The following IL1RAPL2 variants were observed in gnomAD, a reference collection of about 807,000 sequenced individuals.
IL1RAPL2 encodes interleukin 1 receptor accessory protein like 2, also known as X-linked interleukin-1 receptor accessory protein-like 2.
Under a neutral mutation model 44.1 loss-of-function variants are expected in IL1RAPL2, and 3 were observed. That is an observed-to-expected ratio of 0.07 (90% confidence interval 0.03 to 0.18). The LOEUF is 0.18. IL1RAPL2 is among the 10% of genes least tolerant of loss of function. IL1RAPL2 has a pLI of 1.00. For missense variants in IL1RAPL2, 391 were observed against 496.4 expected, an observed-to-expected ratio of 0.79 and a Z score of 2.02; for synonymous variants, 181 against 178.8, an observed-to-expected ratio of 1.01 and a Z score of -0.10.
intron 6 of IL1RAPL2, among the ~76,000 whole-genome samples, chrX:105,656,103 C>T (rs1196522231): frequency 9.0e-6 from 1 of 111,670 alleles, no homozygotes; most frequent in Non-Finnish European, 1.9e-5. Flanking sequence ...CCCTACCTCC[C>T]TCCCAACCCC....
chrX:105,393,765 C>T (rs2035543283), intron 5 of IL1RAPL2, among the ~76,000 whole-genome samples: 1 of 111,150 alleles, frequency 9.0e-6, no homozygotes, highest in South Asian at 3.8e-4. Flanking sequence ...CCCATGAAGA[C>T]CTCAAATCAA....
intron 2 of IL1RAPL2, among the ~76,000 whole-genome samples, chrX:105,040,310 A>G (rs897022898): frequency 2.7e-5 from 3 of 111,463 alleles, no homozygotes; most frequent in African/African-American, 9.8e-5. Context: ...TTTTTGCATC[A>G]ATGTTCATGA....
intron 2 of IL1RAPL2, among the ~76,000 whole-genome samples, chrX:105,189,657 G>A (rs115883495): frequency 0.024 from 2,666 of 111,908 alleles, 73 homozygotes; most frequent in African/African-American, 0.082. Flanking sequence ...TGGAGGTTAC[G>A]TCAAGAACAT....
chrX:104,986,163 A>C (rs1456450418), intron 2 of IL1RAPL2, among the ~76,000 whole-genome samples: 2 of 111,609 alleles, frequency 1.8e-5, no homozygotes, highest in African/African-American at 3.3e-5. Context: ...CCTCAATTAT[A>C]TGTGATCTTA....
At chrX:105,503,152 G>A (rs2036407777) in intron 6 of IL1RAPL2, among the ~76,000 whole-genome samples, 1 of 111,143 alleles carries the variant, frequency 9.0e-6, no homozygotes, top group Non-Finnish European at 1.9e-5. Flanking sequence ...TACAATTAAA[G>A]CAGAGATATG....
At chrX:104,668,612 A>C (rs896365304) in intron 2 of IL1RAPL2, among the ~76,000 whole-genome samples, 4 of 108,608 alleles carry the variant, frequency 3.7e-5, no homozygotes, top group Admixed American at 1.0e-4. Flanking sequence ...AAAAAAACTG[A>C]GTAAGGCATT....
At chrX:105,740,268 CTAAT>C (rs2038488059) in intron 7 of IL1RAPL2, among the ~76,000 whole-genome samples, 1 of 111,529 alleles carries the variant, frequency 9.0e-6, no homozygotes, top group Admixed American at 9.5e-5. Context: ...GCTAGCAAGA[CTAAT>C]AAAGAAAAAA....
intron 2 of IL1RAPL2, among the ~76,000 whole-genome samples, chrX:105,109,322 C>T (rs1036920192): frequency 8.9e-6 from 1 of 112,409 alleles, no homozygotes; most frequent in Non-Finnish European, 1.9e-5. Flanking sequence ...TCCAAAGCAG[C>T]ATCATTCATA....
At chrX:104,779,967 T>G (rs949962814) in intron 2 of IL1RAPL2, among the ~76,000 whole-genome samples, 10 of 111,523 alleles carry the variant, frequency 9.0e-5, no homozygotes, top group Admixed American at 7.6e-4. Context: ...AAGAAAATAT[T>G]TGGCCCCTGA....
intron 6 of IL1RAPL2, among the ~76,000 whole-genome samples, chrX:105,573,532 G>A (rs2037029668): frequency 9.0e-6 from 1 of 111,509 alleles, no homozygotes; most frequent in Non-Finnish European, 1.9e-5. Context: ...TCATGCGAAT[G>A]TTACCAAGAA....
intron 2 of IL1RAPL2, among the ~76,000 whole-genome samples, chrX:105,077,083 A>G (rs1198521532): frequency 9.0e-6 from 1 of 111,201 alleles, no homozygotes; most frequent in African/African-American, 3.3e-5. Context: ...TGATCCTGTC[A>G]TTATGATTTT....
chrX:105,591,771 G>A lies in IL1RAPL2; in HGVS notation c.772+107384G>A, dbSNP rs570809911. 1.2e-3 allele frequency among the ~76,000 whole-genome samples: 138 copies of A among 111,590 alleles called. 1 individual carries two copies. Among genetic ancestry groups the A allele is most frequent in the African/African-American group, 4.1e-3 (125 of 30,729 alleles). On this transcript the variant is annotated intron_variant, in intron 6 of 10. Transcript: ENST00000372582. ...CTGATTTCTATTTTTACTGCACTGT[G>A]GTCTGAGATTGTAGGTGGTATGATA...
At chrX:105,654,231 G>A (rs1469055648) in intron 6 of IL1RAPL2, among the ~76,000 whole-genome samples, 1 of 108,783 alleles carries the variant, frequency 9.2e-6, no homozygotes, top group African/African-American at 3.5e-5. Flanking sequence ...GTAAACTCCT[G>A]TCAATATTTC....
At chrX:104,717,424 T>C (rs1931590495) in intron 2 of IL1RAPL2, among the ~76,000 whole-genome samples, 1 of 103,081 alleles carries the variant, frequency 9.7e-6, no homozygotes. Context: ...AACCTGCACA[T>C]GTACCCCTGA....
chrX:105,679,332 AAAAGTTCACTTTCAG>A (rs1245107075), intron 6 of IL1RAPL2, among the ~76,000 whole-genome samples: 27 of 112,315 alleles, frequency 2.4e-4, no homozygotes, highest in East Asian at 1.7e-3. Context: ...ATATCTTGTT[AAAAGTTCACTTTCAG>A]AAAGTTCACT....
chrX:104,677,545 T>TAAAA (rs1930797614), intron 2 of IL1RAPL2, among the ~76,000 whole-genome samples: 6 of 112,013 alleles, frequency 5.4e-5, no homozygotes, highest in East Asian at 2.8e-4. Flanking sequence ...TACTGCTGTC[T>TAAAA]TTTTGTTTGT....
chrX:104,956,709 A>G (rs2029908899), intron 2 of IL1RAPL2, among the ~76,000 whole-genome samples: 1 of 111,397 alleles, frequency 9.0e-6, no homozygotes, highest in African/African-American at 3.3e-5. Context: ...TCTTCATAGC[A>G]GTAGGCATTC....
intron 6 of IL1RAPL2, among the ~76,000 whole-genome samples, chrX:105,625,197 G>T (rs910623376): frequency 1.8e-5 from 2 of 111,920 alleles, no homozygotes; most frequent in African/African-American, 3.2e-5. Flanking sequence ...AGTGATAAAG[G>T]TTCCTAATCC....
chrX:105,574,911 A>G (rs1468982584), intron 6 of IL1RAPL2, among the ~76,000 whole-genome samples: 3 of 111,760 alleles, frequency 2.7e-5, no homozygotes, highest in Non-Finnish European at 3.8e-5. Context: ...GGTACAATTT[A>G]TTAAAACATT....
Sources: allele counts gnomAD v4.1 joint callset (sites outside exome capture counted in the v4.1 genomes callset), GRCh38; gene constraint gnomAD v4.1.1; transcripts MANE v1.5; gene names NCBI Gene and HGNC (gene_info 2026-07-23, HGNC 2026-07-21).